The following SPRY3 variants were observed in gnomAD, a reference collection of about 807,000 sequenced individuals.
The protein encoded by SPRY3 is sprouty RTK signaling antagonist 3.
SPRY3 carries 15 observed loss-of-function variants against 20.2 expected under a neutral mutation model. That is an observed-to-expected ratio of 0.74 (90% confidence interval 0.50 to 1.14). The LOEUF (loss-of-function observed/expected upper bound fraction) is 1.14. Among genes scored for constraint, SPRY3 ranks in the 50% most tolerant of loss-of-function variants. The probability of loss-of-function intolerance (pLI) is 0.00; values close to 1 mark genes in which losing one functional copy is unlikely to be tolerated. For missense variants in SPRY3, 364 were observed against 363.9 expected (o/e 1.00, Z 0.00); for synonymous variants, 143 against 136.5 (o/e 1.05, Z -0.33).
At chrX:155,774,820 G>A (rs770469309) in exon 4 of SPRY3, 2 of 1,486,998 alleles carry the variant, frequency 1.3e-6, no homozygotes, top group South Asian at 2.7e-5. Flanking sequence ...GAGAGGGGGA[G>A]GAGTGATAAA....
At chrX:155,739,731 T>C (rs1030270762) in intron 2 of SPRY3, among the ~76,000 whole-genome samples, 2 of 151,620 alleles carry the variant, frequency 1.3e-5, no homozygotes, top group Non-Finnish European at 2.9e-5. Context: ...TGTGGAAGAG[T>C]GGCCTGACTG....
intron 2 of SPRY3, among the ~76,000 whole-genome samples, chrX:155,739,126 A>G (rs950562796): frequency 7.9e-5 from 12 of 151,980 alleles, no homozygotes; most frequent in Non-Finnish European, 1.2e-4. Context: ...CAGAGAGTCC[A>G]GGTGGTACAG....
chrX:155,754,067 G>A (rs1275815333), intron 2 of SPRY3, among the ~76,000 whole-genome samples: 1 of 151,560 alleles, frequency 6.6e-6, no homozygotes, highest in Non-Finnish European at 1.5e-5. Flanking sequence ...TATATTTTTG[G>A]CAGGAAAAAA....
chrX:155,626,059 T>C (rs2067887199), intron 1 of SPRY3, among the ~76,000 whole-genome samples: 1 of 111,472 alleles, frequency 9.0e-6, no homozygotes, highest in African/African-American at 3.3e-5. Context: ...CTCATTTTTC[T>C]AGGGATGGAA....
intron 2 of SPRY3, among the ~76,000 whole-genome samples, chrX:155,745,775 C>G (rs1465650343): frequency 1.3e-5 from 2 of 151,874 alleles, no homozygotes; most frequent in African/African-American, 2.4e-5. Context: ...TAGTAAGCAC[C>G]GAATATACAT....
At chrX:155,627,444 T>C (rs1557350052) in intron 1 of SPRY3, among the ~76,000 whole-genome samples, 1 of 112,088 alleles carries the variant, frequency 8.9e-6, no homozygotes, top group Non-Finnish European at 1.9e-5. Flanking sequence ...AAAGTGGTAC[T>C]GGAATAATAT....
intron 2 of SPRY3, among the ~76,000 whole-genome samples, chrX:155,705,662 G>A (rs887752315): frequency 1.3e-5 from 2 of 151,270 alleles, no homozygotes; most frequent in Non-Finnish European, 3.0e-5. Context: ...AAGTAAAAGA[G>A]TGGAGAAATA....
At chrX:155,656,376 C>T (rs897496432) in intron 1 of SPRY3, among the ~76,000 whole-genome samples, 5 of 110,269 alleles carry the variant, frequency 4.5e-5, no homozygotes, top group Non-Finnish European at 9.4e-5. Flanking sequence ...TTCTTTCTTC[C>T]GCTTGATTGA....
chrX:155,696,521 T>C (rs1378853026), intron 2 of SPRY3, among the ~76,000 whole-genome samples: 1 of 111,934 alleles, frequency 8.9e-6, no homozygotes, highest in African/African-American at 3.2e-5. Context: ...TTCATTTGCA[T>C]AATCTTTTCT....
At chrX:155,690,151 T>C (rs1448134133) in intron 2 of SPRY3, among the ~76,000 whole-genome samples, 1 of 88,893 alleles carries the variant, frequency 1.1e-5, no homozygotes, top group Non-Finnish European at 2.1e-5. Flanking sequence ...TTAGTCTTGA[T>C]TTCTAATTTG....
intron 2 of SPRY3, among the ~76,000 whole-genome samples, chrX:155,686,842 A>G (rs1412814926): frequency 3.6e-5 from 4 of 111,943 alleles, no homozygotes; most frequent in East Asian, 5.6e-4. Context: ...GCCAGGCTAT[A>G]TTGCTGCCAC....
intron 2 of SPRY3, among the ~76,000 whole-genome samples, chrX:155,739,526 C>A (rs1470611631): frequency 6.6e-6 from 1 of 152,172 alleles, no homozygotes; most frequent in Non-Finnish European, 1.5e-5. Context: ...GATCTCCCAA[C>A]AGGGGTCTCC....
At chrX:155,704,663 C>A (rs1482101243) in intron 2 of SPRY3, among the ~76,000 whole-genome samples, 1 of 151,444 alleles carries the variant, frequency 6.6e-6, no homozygotes, top group East Asian at 1.9e-4. Context: ...AAATTGCATA[C>A]CCAAGCTCAG....
At chrX:155,728,601 A>T (rs1404507683) in intron 2 of SPRY3, among the ~76,000 whole-genome samples, 1 of 152,200 alleles carries the variant, frequency 6.6e-6, no homozygotes, top group African/African-American at 2.4e-5. Flanking sequence ...CTCCGTGGGC[A>T]TGGGAACTGC....
At chrX:155,702,967 A>T (rs2124532789) in intron 2 of SPRY3, among the ~76,000 whole-genome samples, 1 of 111,904 alleles carries the variant, frequency 8.9e-6, no homozygotes, top group South Asian at 4.0e-4. Flanking sequence ...GATGAAGCCC[A>T]CTTGCTCATG....
At chrX:155,736,943 C>G (rs1010863508) in intron 2 of SPRY3, among the ~76,000 whole-genome samples, 363 of 152,134 alleles carry the variant, frequency 2.4e-3, no homozygotes, top group African/African-American at 8.4e-3. Flanking sequence ...TTCAGTTTCA[C>G]TGATCTTTTC....
chrX:155,627,229 C>A (rs1557350030), intron 1 of SPRY3, among the ~76,000 whole-genome samples: 1 of 111,397 alleles, frequency 9.0e-6, no homozygotes, highest in African/African-American at 3.3e-5. Context: ...TCTCCACCTG[C>A]CCCCTGTAAC....
At chrX:155,773,689 C>A in intron 3 of SPRY3, 77 bp from the exon 3 acceptor site, 1 of 653,658 alleles carries the variant, frequency 1.5e-6, no homozygotes, top group Admixed American at 2.9e-5. Context: ...GGTGATAGGG[C>A]CTGAGCTTTG....
intron 2 of SPRY3, among the ~76,000 whole-genome samples, chrX:155,708,461 G>A (rs1257106776): frequency 1.3e-5 from 2 of 151,182 alleles, no homozygotes; most frequent in South Asian, 2.1e-4. Flanking sequence ...TTGTTACTTA[G>A]CATCTTGACT....
Sources: allele counts gnomAD v4.1 joint callset (sites outside exome capture counted in the v4.1 genomes callset), GRCh38; gene constraint gnomAD v4.1.1; transcripts MANE v1.5; gene names NCBI Gene and HGNC (gene_info 2026-07-23, HGNC 2026-07-21).